The following SOD2 variants were observed in gnomAD, a reference collection of about 807,000 sequenced individuals.
SOD2 encodes the protein superoxide dismutase 2.
Under a neutral mutation model 27.0 loss-of-function variants are expected in SOD2, and 11 were observed. The observed-to-expected ratio is 0.41, with a 90% CI of 0.26 to 0.67. The LOEUF (loss-of-function observed/expected upper bound fraction) is 0.67, where lower values mean the gene tolerates loss of function less well. Ranked by LOEUF, SOD2 falls within the 30% of genes least tolerant of loss-of-function variation. SOD2 has a pLI of 0.34. For synonymous variants in SOD2, 105 were observed against 103.0 expected (o/e 1.02, Z -0.12); for missense variants, 250 against 274.5 (o/e 0.91, Z 0.63).
At chr6:159,697,938 G>A (rs974663519), upstream of SOD2, among the ~76,000 whole-genome samples, 2 of 152,126 alleles carry the variant, frequency 1.3e-5, no homozygotes, top group Non-Finnish European at 2.9e-5. Context: ...TCGGGAAATC[G>A]AGATCAGCCT....
At chr6:159,713,608 A>T in intron 1 of SOD2, 1 of 981,020 alleles carries the variant, frequency 1.0e-6, no homozygotes, top group Non-Finnish European at 1.6e-6. Context: ...CCCTGAAAAG[A>T]AATGAACAAT....
intron 1 of SOD2, chr6:159,713,572 G>A (rs1660648403): frequency 1.2e-6 from 1 of 830,552 alleles, no homozygotes; most frequent in South Asian, 1.4e-5. Flanking sequence ...CACTCACAGT[G>A]TTATCCCATT....
At chr6:159,727,748 G>C, upstream of SOD2, 2 of 983,882 alleles carry the variant, frequency 2.0e-6, no homozygotes, top group South Asian at 4.7e-5. Flanking sequence ...GGGACCTCCG[G>C]GGCCTGAGGG....
intron 1 of SOD2, among the ~76,000 whole-genome samples, chr6:159,701,965 C>G (rs1777530116): frequency 6.6e-6 from 1 of 152,186 alleles, no homozygotes; most frequent in African/African-American, 2.4e-5. Context: ...TTTTCTCTCA[C>G]TTTTTCCTAG....
intron 1 of SOD2, among the ~76,000 whole-genome samples, chr6:159,758,965 T>C (rs1780068915): frequency 6.6e-6 from 1 of 152,126 alleles, no homozygotes; most frequent in Non-Finnish European, 1.5e-5. Flanking sequence ...TCCTCATGAG[T>C]AAGCACTTGG....
intron 1 of SOD2, among the ~76,000 whole-genome samples, chr6:159,743,341 C>T (rs1170583274): frequency 1.3e-5 from 2 of 152,192 alleles, no homozygotes; most frequent in East Asian, 3.9e-4. Flanking sequence ...GCCTCTGTGC[C>T]CAGACAGCAT....
chr6:159,744,267 TA>T (rs1334196027), intron 1 of SOD2, among the ~76,000 whole-genome samples: 9 of 152,240 alleles, frequency 5.9e-5, no homozygotes, highest in African/African-American at 2.2e-4. Context: ...TAGTATTTAC[TA>T]TGTCTACGTA....
At chr6:159,726,338 T>C (rs1778168977) in intron 1 of SOD2, 1 of 155,126 alleles carries the variant, frequency 6.4e-6, no homozygotes, top group Non-Finnish European at 1.4e-5. Flanking sequence ...TTGAGAGCTC[T>C]TGTGATACGA....
intron 1 of SOD2, among the ~76,000 whole-genome samples, chr6:159,702,878 A>G (rs1413571533): frequency 7.6e-6 from 1 of 131,262 alleles, no homozygotes; most frequent in African/African-American, 2.8e-5. Context: ...AAAAAAAGCC[A>G]GGTGTTGTGG....
At chr6:159,725,036 C>G (rs1449229841) in intron 1 of SOD2, among the ~76,000 whole-genome samples, 1 of 152,066 alleles carries the variant, frequency 6.6e-6, no homozygotes, top group African/African-American at 2.4e-5. Context: ...CACACCTACA[C>G]AAAGAACCAA....
At chr6:159,756,295 A>G (rs1780010171) in intron 1 of SOD2, 1 of 152,654 alleles carries the variant, frequency 6.6e-6, no homozygotes, top group Non-Finnish European at 1.5e-5. Context: ...AAACCTAAAT[A>G]AAGATTTTTA....
At chr6:159,708,978 T>C (rs1044157149) in intron 1 of SOD2, among the ~76,000 whole-genome samples, 2 of 152,190 alleles carry the variant, frequency 1.3e-5, no homozygotes, top group Non-Finnish European at 2.9e-5. Flanking sequence ...TACAACTATC[T>C]GATCTTTGAG....
chr6:159,727,097 G>T, intron 1 of SOD2: 6 of 1,194,582 alleles, frequency 5.0e-6, no homozygotes, highest in Non-Finnish European at 6.4e-6. Flanking sequence ...CGACCTCGCT[G>T]GCCCGCCCCT....
At chr6:159,683,676 C>T (rs1373048255) in intron 4 of SOD2, among the ~76,000 whole-genome samples, 2 of 152,058 alleles carry the variant, frequency 1.3e-5, no homozygotes, top group Non-Finnish European at 1.5e-5. Context: ...ATGTGCTTTC[C>T]ACAGGGAGAG....
intron 1 of SOD2, among the ~76,000 whole-genome samples, chr6:159,750,672 T>A (rs937616316): frequency 6.6e-6 from 1 of 152,262 alleles, no homozygotes; most frequent in Non-Finnish European, 1.5e-5. Flanking sequence ...TTAATGTATC[T>A]AGACAACTAC....
chr6:159,692,404 A>T, intron 2 of SOD2: 2 of 1,385,156 alleles, frequency 1.4e-6, no homozygotes, highest in Non-Finnish European at 1.9e-6. Flanking sequence ...AATGTGGCTC[A>T]CAACAGTAAG....
Position 159,685,031 on chromosome 6 carries a change from C to A in SOD2, c.346G>T (p.Glu116Ter). 1 of 1,580,552 alleles carries A rather than the reference C, an allele frequency of 6.3e-7. No individual in the cohort carries two copies. ...SPNGGGEPKG[E>*]LLEAIKRDFG... ...TCACGTTTGATGGCTTCCAGCAACT[C>A]CCCTATTAAAAAAAAAATCCAAAAC... The change falls in exon 4 of 5, where the codon GAG becomes TAG. Residue 116 changes from glutamate to a stop codon, truncating the protein, a stop_gained and splice_region_variant. Coordinates refer to ENST00000538183, the MANE Select transcript of SOD2 (RefSeq NM_000636.4). LOFTEE classifies it high-confidence loss of function.
chr6:159,750,300 A>T (rs1284527688), intron 1 of SOD2, among the ~76,000 whole-genome samples: 1 of 152,238 alleles, frequency 6.6e-6, no homozygotes, highest in Non-Finnish European at 1.5e-5. Flanking sequence ...ATGTACTCAA[A>T]TTGAGCAGGC....
In SOD2 at chr6:159,724,061, C is replaced by T. The variant is rs532986451; in HGVS notation, c.-116+3068G>A. Among the ~76,000 whole-genome samples the T allele has an allele frequency of 2.0e-5, 3 of 152,114 alleles. No homozygotes were observed. The South Asian group carries it at 6.2e-4, about 32-fold the overall frequency. On this transcript the variant is annotated intron_variant, in intron 1 of 2. Coordinates refer to the SOD2 transcript ENST00000401980. ...ACTGCACCCAGCCCTCCAGTTTAAA[C>T]TCAATACTACAGACTTTTTTTTTCT...
Sources: gnomAD v4.1 joint callset for allele counts (sites outside exome capture counted in the v4.1 genomes callset) on GRCh38, gnomAD v4.1.1 for gene constraint, MANE v1.5 for transcripts, NCBI Gene and HGNC (gene_info 2026-07-23, HGNC 2026-07-21) for gene names.